The following RBFOX1 variants were observed in gnomAD, a reference collection of about 807,000 sequenced individuals.
The protein encoded by RBFOX1 is RNA binding fox-1 homolog 1.
Under a neutral mutation model 57.7 loss-of-function variants are expected in RBFOX1, and 8 were observed. The ratio of observed to expected loss-of-function variants is 0.14; its 90% CI spans 0.08 to 0.25. The LOEUF (loss-of-function observed/expected upper bound fraction) is 0.25, where lower values mean the gene tolerates loss of function less well. RBFOX1 is among the 10% of genes least tolerant of loss of function. The pLI, the probability that RBFOX1 is intolerant of heterozygous loss-of-function variation, is 1.00. For synonymous variants in RBFOX1, 326 were observed against 222.4 expected, an observed-to-expected ratio of 1.47 and a Z score of -4.15; for missense variants, 611 against 548.5, an observed-to-expected ratio of 1.11 and a Z score of -1.14.
chr16:5,642,282 G>A (rs1434068575), intron 3 of RBFOX1, among the ~76,000 whole-genome samples: 1 of 152,222 alleles, frequency 6.6e-6, no homozygotes, highest in Non-Finnish European at 1.5e-5. Context: ...GCTGTTTATA[G>A]TCGATGAATA....
intron 2 of RBFOX1, among the ~76,000 whole-genome samples, chr16:5,534,635 C>T (rs2044623437): frequency 6.6e-6 from 1 of 152,150 alleles, no homozygotes; most frequent in African/African-American, 2.4e-5. Context: ...CTTTTTTTAG[C>T]ATGCTGGCAT....
At chr16:6,250,838 C>T (rs995722628) in intron 1 of RBFOX1, among the ~76,000 whole-genome samples, 8 of 152,088 alleles carry the variant, frequency 5.3e-5, no homozygotes, top group Non-Finnish European at 7.4e-5. Context: ...GTGAACTGAC[C>T]GTGCATTGCT....
chr16:6,609,868 T>C (rs1223009466), intron 2 of RBFOX1, among the ~76,000 whole-genome samples: 1 of 151,710 alleles, frequency 6.6e-6, no homozygotes, highest in East Asian at 2.0e-4. Context: ...AATAGCTGGG[T>C]GTGGTGGTGC....
At chr16:5,710,820 A>T (rs1395335399) in intron 3 of RBFOX1, among the ~76,000 whole-genome samples, 1 of 152,178 alleles carries the variant, frequency 6.6e-6, no homozygotes, top group Non-Finnish European at 1.5e-5. Context: ...TTTGTGTGCC[A>T]GGCAGGGCAA....
chr16:6,560,388 G>C (rs1404931944), intron 2 of RBFOX1, among the ~76,000 whole-genome samples: 1 of 111,638 alleles, frequency 9.0e-6, no homozygotes, highest in African/African-American at 3.0e-5. Context: ...GAGAGGGCCA[G>C]TGTGGGCCTT....
chr16:7,126,692 A>T (rs1179030287), intron 4 of RBFOX1: 1 of 151,896 alleles, frequency 6.6e-6, no homozygotes, highest in East Asian at 1.9e-4. Context: ...ATATATGTAT[A>T]TATATATAAT....
chr16:7,078,785 C>A (rs895816185), intron 4 of RBFOX1, among the ~76,000 whole-genome samples: 4 of 146,350 alleles, frequency 2.7e-5, no homozygotes, highest in Non-Finnish European at 6.0e-5. Context: ...CGAGTTCAAG[C>A]GATTCTCCTG....
chr16:6,695,891 A>G (rs1036550995), intron 3 of RBFOX1, among the ~76,000 whole-genome samples: 2 of 152,146 alleles, frequency 1.3e-5, no homozygotes, highest in African/African-American at 4.8e-5. Context: ...CCGTGAATCT[A>G]TGGGAGGAAA....
intron 4 of RBFOX1, among the ~76,000 whole-genome samples, chr16:7,215,239 C>G (rs930183347): frequency 6.6e-6 from 1 of 152,192 alleles, no homozygotes; most frequent in African/African-American, 2.4e-5. Flanking sequence ...ATTAGTTCAA[C>G]CACTGTGGAA....
At chr16:6,574,131 G>C (rs1567733478) in intron 2 of RBFOX1, among the ~76,000 whole-genome samples, 1 of 152,162 alleles carries the variant, frequency 6.6e-6, no homozygotes, top group Non-Finnish European at 1.5e-5. Context: ...CACTCAAGGA[G>C]ATGTGGGTTT....
intron 14 of RBFOX1, among the ~76,000 whole-genome samples, chr16:7,689,516 A>G (rs964937703): frequency 4.6e-5 from 7 of 152,076 alleles, no homozygotes; most frequent in Admixed American, 1.3e-4. Context: ...TATTAAGTGT[A>G]TAGATTACCA....
chr16:7,020,176 T>C (rs2094134691), intron 3 of RBFOX1, among the ~76,000 whole-genome samples: 1 of 152,148 alleles, frequency 6.6e-6, no homozygotes, highest in Non-Finnish European at 1.5e-5. Context: ...TTTATACCTC[T>C]GTGTAAATCT....
At chr16:5,303,173 G>C (rs993111195) in intron 1 of RBFOX1, among the ~76,000 whole-genome samples, 2 of 152,172 alleles carry the variant, frequency 1.3e-5, no homozygotes, top group Non-Finnish European at 2.9e-5. Context: ...GACTCACAGA[G>C]GCTGCTGGTC....
chr16:7,046,675 G>C (rs150863244), intron 3 of RBFOX1, among the ~76,000 whole-genome samples: 1 of 141,164 alleles, frequency 7.1e-6, no homozygotes, highest in Non-Finnish European at 1.5e-5. Flanking sequence ...GCATGATCTC[G>C]GCTCACTGCA....
intron 4 of RBFOX1, among the ~76,000 whole-genome samples, chr16:7,052,610 C>G (rs77120272): frequency 0.031 from 4,755 of 152,126 alleles, 259 homozygotes; most frequent in African/African-American, 0.11. Context: ...AATTTTAAAC[C>G]TTATATTCTG....
At chr16:5,796,295 C>G (rs535156345) in intron 3 of RBFOX1, among the ~76,000 whole-genome samples, 67 of 152,306 alleles carry the variant, frequency 4.4e-4, no homozygotes, top group Non-Finnish European at 7.9e-4. Context: ...AAGAAGGAAA[C>G]ATGTTATGGG....
At chr16:7,418,260 A>C (rs1400910098) in intron 4 of RBFOX1, among the ~76,000 whole-genome samples, 1 of 152,222 alleles carries the variant, frequency 6.6e-6, no homozygotes, top group African/African-American at 2.4e-5. Flanking sequence ...TGCCAGAGGT[A>C]AACCAGGTCT....
intron 3 of RBFOX1, among the ~76,000 whole-genome samples, chr16:6,715,011 G>T (rs891472779): frequency 1.3e-5 from 2 of 152,268 alleles, no homozygotes; most frequent in Middle Eastern, 3.4e-3. Flanking sequence ...GGAGTTGGAG[G>T]TCTAGGAAGG....
chr16:7,158,977 C>G (rs1029306607), intron 4 of RBFOX1, among the ~76,000 whole-genome samples: 18 of 152,050 alleles, frequency 1.2e-4, no homozygotes, highest in African/African-American at 4.3e-4. Context: ...TACAACAGTT[C>G]CATCACCACA....
Sources: gnomAD v4.1 joint callset for allele counts (sites outside exome capture counted in the v4.1 genomes callset) on GRCh38, gnomAD v4.1.1 for gene constraint, MANE v1.5 for transcripts, NCBI Gene and HGNC (gene_info 2026-07-23, HGNC 2026-07-21) for gene names.